COQ4: variants seen among roughly 807,000 people sequenced by gnomAD.
COQ4 encodes the protein ubiquinone biosynthesis protein COQ4 homolog, mitochondrial.
In COQ4, 36 loss-of-function variants were observed where a neutral mutation model predicts 30.2. The ratio of observed to expected loss-of-function variants is 1.19; its 90% confidence interval spans 0.91 to 1.57. The LOEUF is 1.57. Ranked by LOEUF, COQ4 falls within the 40% of genes most tolerant of loss-of-function variation. The pLI, the probability that COQ4 is intolerant of heterozygous loss-of-function variation, is 0.00. For synonymous variants in COQ4, 197 were observed against 161.0 expected (o/e 1.22, Z -1.69); for missense variants, 369 against 371.9 (o/e 0.99, Z 0.07).
intron 2 of COQ4, among the ~76,000 whole-genome samples, chr9:128,324,673 A>G (rs1832286940): frequency 6.6e-6 from 1 of 151,842 alleles, no homozygotes; most frequent in Admixed American, 6.6e-5. Flanking sequence ...AACTAGCTGC[A>G]TGCCTGTAGT....
intron 2 of COQ4, among the ~76,000 whole-genome samples, chr9:128,324,179 A>G (rs541348006): frequency 7.9e-5 from 12 of 152,136 alleles, no homozygotes; most frequent in African/African-American, 2.2e-4. Flanking sequence ...GGATTTTGCT[A>G]TGTTGCCCAG....
At position 128,323,076 on chromosome 9, in the gene COQ4, C is replaced by A. The variant is rs773432118; in HGVS notation, c.131C>A (p.Thr44Asn). ...CCGCTATACTCGCACCACCTCCCCA[C>A]CTCCCCGCTGCAGAAAGGGCTGTTG... ...AGPLYSHHLP[T>N]SPLQKGLLAA... The change falls in exon 2 of 7, where the codon ACC becomes AAC. Residue 44 changes from threonine to asparagine, a missense_variant. Thr to Asn is a moderately conservative substitution (Grantham distance 65). Transcript: ENST00000300452. 6.2e-7 allele frequency: 1 copy of A among 1,612,194 alleles called. No individual in the cohort carries two copies. The highest frequency in any genetic ancestry group is 8.5e-7 in the Non-Finnish European group (1 of 1,179,766).
Position 128,332,296 on chromosome 9 carries a change from A to G in COQ4, c.532+14A>G, listed in dbSNP as rs780045901. The G allele has an allele frequency of 1.9e-6, 3 of 1,611,336 alleles. No individual in the cohort carries two copies. In the East Asian group the frequency reaches 6.7e-5, roughly 36 times the overall value. ...CCAACATCCTGGGTGAGTGCCCCCA[A>G]CCCTGATGGCCTGTCTCCCTGGGGT... On this transcript the variant is annotated intron_variant, in intron 5 of 6. Transcript: ENST00000300452.
chr9:128,325,682 G>T, intron 3 of COQ4, 97 bp from the exon 4 acceptor site: 2 of 916,620 alleles, frequency 2.2e-6, no homozygotes, highest in Non-Finnish European at 3.5e-6. Flanking sequence ...TGGCCACATT[G>T]CTCCTCTGTA....
intron 4 of COQ4, among the ~76,000 whole-genome samples, chr9:128,328,848 G>A (rs142756741): frequency 4.0e-3 from 613 of 152,304 alleles, no homozygotes; most frequent in Non-Finnish European, 7.2e-3. Flanking sequence ...TAGCCCTGTC[G>A]CTGTGGAGGG....
At position 128,333,829 on chromosome 9, in the gene COQ4, C is replaced by A; in HGVS notation, c.*184C>A. 2.2e-6 allele frequency: 1 copy of A among 459,526 alleles called. No homozygotes were observed. The highest frequency in any genetic ancestry group is 3.7e-6 in the Non-Finnish European group (1 of 267,490). The allele number at this position is 459,526 out of a possible 1,614,324, so 28.5% of individuals were successfully genotyped here. A position where few individuals can be genotyped will look rare whatever the true frequency, so the allele number is the denominator to read the frequency against. ...CGAACCCCGCAGGGAGCAAGCAGTA[C>A]AGTGGCATTCCCAGGGGGACCAGCA... On this transcript the variant is annotated 3_prime_UTR_variant, in exon 7 of 7. Coordinates refer to ENST00000300452, the MANE Select transcript of COQ4 (RefSeq NM_016035.5).
At chr9:128,325,015 C>G in intron 2 of COQ4, 128 bp from the exon 3 acceptor site, 1 of 643,246 alleles carries the variant, frequency 1.6e-6, no homozygotes, top group East Asian at 2.7e-5. Context: ...AAGTGTTTAG[C>G]CTGAATCCTT....
rs776004320 is a variant in COQ4, at chr9:128,325,252, T to G, written c.299+13T>G. ...CCCAGATCCTGCAGTAGGTCCCAGCTCTGCCTGGGGGTCTGGGGGCATTCT... is the reference window on the plus strand; with the variant it reads ...CCCAGATCCTGCAGTAGGTCCCAGCGCTGCCTGGGGGTCTGGGGGCATTCT... On this transcript the variant is annotated intron_variant, in intron 3 of 6. Coordinates refer to ENST00000300452, the MANE Select transcript of COQ4 (RefSeq NM_016035.5). The G allele has an allele frequency of 6.3e-7, 1 of 1,585,186 alleles. No individual in the cohort carries two copies.
intron 6 of COQ4, 26 bp downstream of exon 6, chr9:128,332,969 C>CGG: frequency 6.3e-7 from 1 of 1,577,744 alleles, no homozygotes; most frequent in Non-Finnish European, 8.7e-7. Context: ...GTAGCTGGGT[C>CGG]GGGGTTGAGG....
chr9:128,332,015 C>G (rs191561004), intron 4 of COQ4, 138 bp from the exon 5 acceptor site: 6 of 1,006,794 alleles, frequency 6.0e-6, no homozygotes, highest in Admixed American at 5.1e-5. Flanking sequence ...CAGGCATGAG[C>G]CTCGGCCCCT....
chr9:128,328,194 AAGG>A (rs1245572820), intron 4 of COQ4, among the ~76,000 whole-genome samples: 1 of 152,256 alleles, frequency 6.6e-6, no homozygotes, highest in East Asian at 1.9e-4. Context: ...AGGCCACCAG[AAGG>A]AGGAGTCTGT....
chr9:128,330,207 A>T (rs755507520), intron 4 of COQ4, among the ~76,000 whole-genome samples: 2 of 112,950 alleles, frequency 1.8e-5, no homozygotes, highest in Non-Finnish European at 3.5e-5. Flanking sequence ...TGTCTCTACT[A>T]AAAAAAAAAA....
chr9:128,331,814 G>A (rs556329545), intron 4 of COQ4: 28 of 167,780 alleles, frequency 1.7e-4, no homozygotes, highest in East Asian at 3.5e-4. Context: ...TGCAACCTCC[G>A]CCTCCTGGGT....
At chr9:128,329,075 G>T (rs369087497) in intron 4 of COQ4, among the ~76,000 whole-genome samples, 1 of 152,332 alleles carries the variant, frequency 6.6e-6, no homozygotes, top group South Asian at 2.1e-4. Flanking sequence ...TGGTCATCTT[G>T]TAGTATCAAG....
In COQ4 at chr9:128,325,877, T is replaced by C; in HGVS notation, c.398T>C (p.Val133Ala). The change falls in exon 4 of 7, where the codon GTG becomes GCG. Residue 133 changes from valine (V) to alanine (A), a missense_variant. Val to Ala is a moderately conservative substitution (Grantham distance 64, BLOSUM62 0). Coordinates refer to ENST00000300452, the MANE Select transcript of COQ4 (RefSeq NM_016035.5). ...LGREYLRFLDVNRVSPDTRAP... is the reference protein window; with the variant it reads ...LGREYLRFLDANRVSPDTRAP... ...CGCGAGTATCTCCGTTTCCTGGATG[T>C]GAACGTGAGTTTTCAGCTCCTGTGT... 1 of 1,613,852 alleles carries C rather than the reference T, an allele frequency of 6.2e-7. No homozygotes were observed. Among genetic ancestry groups the C allele is most frequent in the Non-Finnish European group, 8.5e-7 (1 of 1,179,768 alleles).
chr9:128,324,348 C>T (rs2131464402), intron 2 of COQ4, among the ~76,000 whole-genome samples: 1 of 152,100 alleles, frequency 6.6e-6, no homozygotes, highest in Non-Finnish European at 1.5e-5. Flanking sequence ...TGCTCTGGAA[C>T]TCTTGGCCTC....
intron 4 of COQ4, among the ~76,000 whole-genome samples, chr9:128,326,697 C>T (rs1405442196): frequency 1.3e-5 from 2 of 152,182 alleles, no homozygotes; most frequent in East Asian, 1.9e-4. Context: ...CCCGCATCAG[C>T]CTCCCAAAGT....
intron 4 of COQ4, among the ~76,000 whole-genome samples, chr9:128,329,597 T>C (rs1005091902): frequency 2.0e-5 from 3 of 152,218 alleles, no homozygotes; most frequent in Non-Finnish European, 4.4e-5. Context: ...CTCAAACTCC[T>C]GACCTCAAGT....
In COQ4 at chr9:128,325,881, C is replaced by T. The variant is rs778542323; in HGVS notation, c.402C>T (p.Asn134=). 1.9e-5 allele frequency: 30 copies of T among 1,613,360 alleles called. No homozygotes were observed. The East Asian group carries it at 2.0e-4, about 11-fold the overall frequency. Residue 134 remains asparagine, a splice_region_variant and synonymous_variant, in exon 4 of 7, where the codon AAC becomes AAT. Coordinates refer to ENST00000300452, the MANE Select transcript of COQ4 (RefSeq NM_016035.5). ...GREYLRFLDV[N]RVSPDTRAPT... ...AGTATCTCCGTTTCCTGGATGTGAA[C>T]GTGAGTTTTCAGCTCCTGTGTATCT...
Sources: allele counts gnomAD v4.1 joint callset (sites outside exome capture counted in the v4.1 genomes callset), GRCh38; gene constraint gnomAD v4.1.1; transcripts MANE v1.5; gene names NCBI Gene and HGNC (gene_info 2026-07-23, HGNC 2026-07-21).